FOXP1: variants seen among roughly 807,000 people sequenced by gnomAD.
FOXP1 encodes forkhead box protein P1.
Under a neutral mutation model 98.2 loss-of-function variants are expected in FOXP1, and 15 were observed. The observed-to-expected ratio is 0.15, with a 90% CI of 0.10 to 0.24. The LOEUF is 0.24. Among genes scored for constraint, FOXP1 ranks in the 10% least tolerant of loss-of-function variants. FOXP1 has a pLI of 1.00. For synonymous variants in FOXP1, 371 were observed against 314.5 expected, an observed-to-expected ratio of 1.18 and a Z score of -1.90; for missense variants, 633 against 848.5, an observed-to-expected ratio of 0.75 and a Z score of 3.15.
chr3:71,316,660 CTTTTTT>C (rs1261668332), intron 4 of FOXP1, among the ~76,000 whole-genome samples: 1 of 139,770 alleles, frequency 7.2e-6, no homozygotes, highest in Non-Finnish European at 1.6e-5. Context: ...AGGGCATATT[CTTTTTT>C]TTTTTTTTTT....
intron 5 of FOXP1, among the ~76,000 whole-genome samples, chr3:71,236,695 C>A (rs1049299428): frequency 2.0e-5 from 3 of 151,894 alleles, no homozygotes; most frequent in Non-Finnish European, 4.4e-5. Context: ...CATCGGGAGA[C>A]CTTATCTCCA....
chr3:70,978,717 C>G (rs1418757512), intron 14 of FOXP1, among the ~76,000 whole-genome samples: 3 of 151,754 alleles, frequency 2.0e-5, no homozygotes, highest in Non-Finnish European at 2.9e-5. Context: ...ACCCCACCAG[C>G]TGTCATTTGT....
chr3:71,205,670 G>T (rs2108431532), intron 5 of FOXP1, among the ~76,000 whole-genome samples: 1 of 152,272 alleles, frequency 6.6e-6, no homozygotes, highest in South Asian at 2.1e-4. Context: ...AGCTGTAGGG[G>T]CACCCCTCCT....
chr3:70,998,713 TATAA>T (rs1015604015), intron 13 of FOXP1, among the ~76,000 whole-genome samples: 2 of 152,200 alleles, frequency 1.3e-5, no homozygotes, highest in African/African-American at 4.8e-5. Context: ...AAATGAAATC[TATAA>T]ATAATCAAAG....
intron 5 of FOXP1, among the ~76,000 whole-genome samples, chr3:71,295,914 A>C (rs1252324381): frequency 6.6e-6 from 1 of 152,226 alleles, no homozygotes; most frequent in African/African-American, 2.4e-5. Flanking sequence ...TAAACTATTT[A>C]TCATCAACGG....
At chr3:71,203,823 T>C (rs955779323) in intron 5 of FOXP1, among the ~76,000 whole-genome samples, 3 of 152,074 alleles carry the variant, frequency 2.0e-5, no homozygotes, top group Non-Finnish European at 1.5e-5. Context: ...AATTACACAG[T>C]CCACCCCCCA....
chr3:71,465,294 T>G (rs1437993002), intron 3 of FOXP1, among the ~76,000 whole-genome samples: 4 of 116,792 alleles, frequency 3.4e-5, no homozygotes, highest in Non-Finnish European at 5.1e-5. Context: ...GCAACAAGAG[T>G]GAAACTCTGT....
At chr3:71,333,904 G>T (rs893404562) in intron 4 of FOXP1, 1 of 151,194 alleles carries the variant, frequency 6.6e-6, no homozygotes, top group Non-Finnish European at 1.5e-5. Flanking sequence ...GGGGAAGAAA[G>T]AATAAACTTG....
intron 11 of FOXP1, among the ~76,000 whole-genome samples, chr3:71,020,926 T>G (rs2045339973): frequency 6.6e-6 from 1 of 152,196 alleles, no homozygotes; most frequent in South Asian, 2.1e-4. Context: ...AACGAAATCC[T>G]GCCTAAATTA....
chr3:71,124,664 A>G (rs1170438114), intron 6 of FOXP1, among the ~76,000 whole-genome samples: 1 of 151,794 alleles, frequency 6.6e-6, no homozygotes, highest in African/African-American at 2.4e-5. Context: ...AGAAAAAAAA[A>G]AGAGAAACAT....
chr3:71,475,316 A>T (rs899860802), intron 3 of FOXP1, among the ~76,000 whole-genome samples: 1 of 152,196 alleles, frequency 6.6e-6, no homozygotes, highest in African/African-American at 2.4e-5. Flanking sequence ...AAGAAGGAGC[A>T]ACTATAATTT....
At chr3:71,275,741 G>C (rs1002521706) in intron 5 of FOXP1, among the ~76,000 whole-genome samples, 1 of 152,132 alleles carries the variant, frequency 6.6e-6, no homozygotes, top group Non-Finnish European at 1.5e-5. Context: ...CTGGGCATGC[G>C]CCGTATTATT....
At chr3:71,565,977 T>C (rs1246852694) in intron 2 of FOXP1, among the ~76,000 whole-genome samples, 1 of 152,174 alleles carries the variant, frequency 6.6e-6, no homozygotes, top group Non-Finnish European at 1.5e-5. Flanking sequence ...AGTCAATAAA[T>C]GAACACAGAT....
At position 70,958,362 on chromosome 3, in the gene FOXP1, T is replaced by A. The variant is rs1402525555; in HGVS notation, c.*885A>T. The A allele has an allele frequency of 1.9e-6, 1 of 532,462 alleles. No individual in the cohort carries two copies. Among genetic ancestry groups the A allele is most frequent in the South Asian group, 1.5e-5 (1 of 64,776 alleles). 33.0% of individuals were successfully genotyped at this position (532,462 alleles called of 1,614,324 possible). ...TTTCTGGCAGGACGTCACGTCTGTG[T>A]GAGAGGGCCTTCATGTGTAGAGTGC... On this transcript the variant is annotated 3_prime_UTR_variant, in exon 21 of 21. Transcript: ENST00000649528.
At chr3:71,112,498 G>C in intron 7 of FOXP1, 38 bp downstream of exon 7, 1 of 1,459,038 alleles carries the variant, frequency 6.9e-7, no homozygotes, top group Non-Finnish European at 9.6e-7. Context: ...TTATCCCAAA[G>C]GGTATAATGT....
At chr3:71,072,087 C>T (rs538535326) in intron 7 of FOXP1, among the ~76,000 whole-genome samples, 3 of 152,130 alleles carry the variant, frequency 2.0e-5, no homozygotes, top group East Asian at 1.9e-4. Flanking sequence ...CTCAGGAGGC[C>T]GAGAGAGGAG....
At chr3:71,369,782 A>G (rs1219024215) in intron 3 of FOXP1, among the ~76,000 whole-genome samples, 2 of 152,154 alleles carry the variant, frequency 1.3e-5, no homozygotes, top group Non-Finnish European at 2.9e-5. Flanking sequence ...GTAGTTAATC[A>G]ACTCAGAGGG....
chr3:71,167,546 G>A (rs2061449389), intron 6 of FOXP1, among the ~76,000 whole-genome samples: 1 of 152,134 alleles, frequency 6.6e-6, no homozygotes, highest in Non-Finnish European at 1.5e-5. Flanking sequence ...GAAAAACATG[G>A]TTTTAGAACT....
intron 6 of FOXP1, among the ~76,000 whole-genome samples, chr3:71,144,721 G>C (rs1449757202): frequency 6.6e-6 from 1 of 152,098 alleles, no homozygotes; most frequent in Non-Finnish European, 1.5e-5. Context: ...TTTGGCAGGG[G>C]GGTACAGAGT....
Sources: allele counts gnomAD v4.1 joint callset (sites outside exome capture counted in the v4.1 genomes callset), GRCh38; gene constraint gnomAD v4.1.1; transcripts MANE v1.5; gene names NCBI Gene and HGNC (gene_info 2026-07-23, HGNC 2026-07-21).